FAM20C: variants seen among roughly 807,000 people sequenced by gnomAD.
The protein encoded by FAM20C is extracellular serine/threonine protein kinase FAM20C.
A neutral mutation model predicts 51.5 loss-of-function variants in FAM20C; 40 were observed. The ratio of observed to expected loss-of-function variants is 0.78; its 90% CI spans 0.60 to 1.01. FAM20C has a LOEUF of 1.01. Among genes scored for constraint, FAM20C ranks in the 50% least tolerant of loss-of-function variants. The pLI is 0.00. For synonymous variants in FAM20C, 406 were observed against 380.6 expected (o/e 1.07, Z -0.78); for missense variants, 861 against 844.7 (o/e 1.02, Z -0.24).
intron 3 of FAM20C, among the ~76,000 whole-genome samples, chr7:210,047 G>A (rs1786632706): frequency 6.6e-6 from 1 of 152,198 alleles, no homozygotes; most frequent in East Asian, 1.9e-4. Context: ...CCGTGCCTGA[G>A]CCCGGGCCGA....
Position 206,050 on chromosome 7 carries a change from C to T in FAM20C, c.785-2848C>T, listed in dbSNP as rs986301534. Among the ~76,000 whole-genome samples, 17 of 152,254 alleles carry T rather than the reference C, an allele frequency of 1.1e-4. No individual in the cohort carries two copies. The South Asian group carries it at 1.2e-3, about 11-fold the overall frequency. On this transcript the variant is annotated intron_variant, in intron 2 of 9. Transcript: ENST00000313766. ...GAGCTCCACGCCCTCAGCACACGCG[C>T]GTGCCCTCCAGCCACGTGGAGGAGC...
At chr7:200,584 C>T (rs948497793) in intron 2 of FAM20C, among the ~76,000 whole-genome samples, 2 of 152,224 alleles carry the variant, frequency 1.3e-5, no homozygotes, top group African/African-American at 4.8e-5. Context: ...TGCGCACCTG[C>T]CGACTTTCCT....
chr7:199,722 C>G (rs1437343249), intron 2 of FAM20C, among the ~76,000 whole-genome samples: 1 of 152,194 alleles, frequency 6.6e-6, no homozygotes, highest in Non-Finnish European at 1.5e-5. Flanking sequence ...TGCCTGGTAA[C>G]CGGCCATTGC....
chr7:231,629 A>G (rs1252948123), intron 3 of FAM20C, among the ~76,000 whole-genome samples: 2 of 152,142 alleles, frequency 1.3e-5, no homozygotes, highest in Admixed American at 6.5e-5. Flanking sequence ...AAGTGTGGTC[A>G]GGAGGCTGCC....
In FAM20C at chr7:257,208, G is replaced by A. The variant is rs1053272480; in HGVS notation, c.1445+122G>A. 4.5e-5 allele frequency: 45 copies of A among 997,242 alleles called. No individual in the cohort carries two copies. The African/African-American group carries it at 4.7e-4, about 10-fold the overall frequency. 61.8% of individuals were successfully genotyped at this position (997,242 alleles called of 1,614,324 possible). On this transcript the variant is annotated intron_variant, in intron 8 of 9. Transcript: ENST00000313766. ...CCTCCAGTGGAGGGATGGGAATGTC[G>A]CAAAGGCCCATCTCAGAGCCAGATG...
chr7:252,659 GTGGCCA>G (rs1788446383), intron 5 of FAM20C, among the ~76,000 whole-genome samples: 1 of 152,234 alleles, frequency 6.6e-6, no homozygotes, highest in Non-Finnish European at 1.5e-5. Context: ...GGGGCGAGAG[GTGGCCA>G]AGGCCAGTGC....
chr7:218,546 C>A (rs62430300), intron 3 of FAM20C, among the ~76,000 whole-genome samples: 8,608 of 152,232 alleles, frequency 0.057, 287 homozygotes, highest in Non-Finnish European at 0.085. Flanking sequence ...GAGGGCGGGG[C>A]AGGGTCTGAG....
intron 3 of FAM20C, among the ~76,000 whole-genome samples, chr7:231,502 G>T (rs1326844122): frequency 1.3e-5 from 2 of 151,718 alleles, no homozygotes; most frequent in Non-Finnish European, 2.9e-5. Flanking sequence ...CGGCGTCGAG[G>T]GCCCCGTGGG....
chr7:205,641 T>C (rs556968259), intron 2 of FAM20C, among the ~76,000 whole-genome samples: 9 of 152,240 alleles, frequency 5.9e-5, no homozygotes, highest in Admixed American at 3.3e-4. Context: ...TCGGAGCCCG[T>C]CGACGGTTTC....
intron 5 of FAM20C, among the ~76,000 whole-genome samples, chr7:253,791 G>A (rs551355556): frequency 2.6e-4 from 40 of 152,352 alleles, no homozygotes; most frequent in Non-Finnish European, 4.7e-4. Context: ...CTGTGGGCCC[G>A]AGAAATGCCT....
intron 3 of FAM20C, among the ~76,000 whole-genome samples, chr7:212,670 G>A (rs1477928796): frequency 2.6e-5 from 4 of 152,126 alleles, no homozygotes; most frequent in Admixed American, 2.0e-4. Flanking sequence ...GGGATCACCA[G>A]GGGAAGTTTT....
At chr7:241,672 G>A (rs935928329) in intron 3 of FAM20C, among the ~76,000 whole-genome samples, 1 of 152,018 alleles carries the variant, frequency 6.6e-6, no homozygotes, top group African/African-American at 2.4e-5. Flanking sequence ...ATGTGTGTAC[G>A]CACATGTATC....
chr7:256,788 C>G, intron 7 of FAM20C, 25 bp downstream of exon 7: 2 of 1,528,066 alleles, frequency 1.3e-6, no homozygotes, highest in Non-Finnish European at 1.8e-6. Flanking sequence ...GGCACGGGGT[C>G]CCCGTGTCAC....
At chr7:219,403 A>G (rs543621321) in intron 3 of FAM20C, among the ~76,000 whole-genome samples, 2 of 148,576 alleles carry the variant, frequency 1.3e-5, no homozygotes, top group Non-Finnish European at 3.0e-5. Flanking sequence ...TGGCCAGCCC[A>G]GGACAGCAAC....
intron 3 of FAM20C, among the ~76,000 whole-genome samples, chr7:242,075 C>T (rs1040250849): frequency 0.32 from 48,026 of 152,118 alleles, 9,106 homozygotes; most frequent in African/African-American, 0.54. Flanking sequence ...AGGCCCCCTG[C>T]GCTCTGGCAG....
rs1331486131 is a variant in FAM20C, at chr7:259,953, T to C, written c.1728T>C (p.Thr576=). 2.6e-6 allele frequency: 4 copies of C among 1,525,166 alleles called. No homozygotes were observed. Among genetic ancestry groups the C allele is most frequent in the Non-Finnish European group, 3.5e-6 (4 of 1,138,030 alleles). 94.5% of individuals were successfully genotyped at this position (1,525,166 alleles called of 1,614,324 possible). ...GCGTGGTGGATGACGACCTGGACAC[T>C]GAGCACAGAGCCGCCTCGGCGAGGT... ...LHSVVDDDLD[T]EHRAASAR Residue 576 remains threonine, a synonymous_variant, in exon 10 of 10, where the codon ACT becomes ACC. Transcript: ENST00000313766.
intron 3 of FAM20C, among the ~76,000 whole-genome samples, chr7:233,176 C>G (rs1424725754): frequency 6.6e-6 from 1 of 152,202 alleles, no homozygotes; most frequent in Non-Finnish European, 1.5e-5. Flanking sequence ...CATGGGGGCT[C>G]CCGTGAGGAC....
At chr7:209,828 G>A (rs773917859) in intron 3 of FAM20C, among the ~76,000 whole-genome samples, 25 of 152,238 alleles carry the variant, frequency 1.6e-4, no homozygotes, top group Non-Finnish European at 2.6e-4. Context: ...ATACTTTGCA[G>A]GTAAAACAAA....
At chr7:206,047 G>A (rs751560173) in intron 2 of FAM20C, among the ~76,000 whole-genome samples, 4 of 151,920 alleles carry the variant, frequency 2.6e-5, no homozygotes, top group Non-Finnish European at 5.9e-5. Context: ...CTCAGCACAC[G>A]CGCGTGCCCT....
Sources: allele counts gnomAD v4.1 joint callset (sites outside exome capture counted in the v4.1 genomes callset), GRCh38; gene constraint gnomAD v4.1.1; transcripts MANE v1.5; gene names NCBI Gene and HGNC (gene_info 2026-07-23, HGNC 2026-07-21).